The following GRM5 variants were observed in gnomAD, a reference collection of about 807,000 sequenced individuals.
GRM5 encodes the protein glutamate metabotropic receptor 5.
Under a neutral mutation model 83.1 loss-of-function variants are expected in GRM5, and 19 were observed. The observed-to-expected ratio is 0.23, with a 90% CI of 0.16 to 0.34. The LOEUF is 0.34. GRM5 is among the 10% of genes least tolerant of loss of function. GRM5 has a pLI of 1.00. For missense variants in GRM5, 1,160 were observed against 1,588.3 expected (o/e 0.73, Z 4.58); for synonymous variants, 675 against 633.6 (o/e 1.07, Z -0.98).
chr11:88,987,099 G>A lies in GRM5; in HGVS notation c.661+60113C>T, dbSNP rs184435384. ...TTTCTGCATTTCCATCTGAGGTACCGGGTTCATCTCACTAGGGAGTGCCAG... is the reference window on the plus strand; with the variant it reads ...TTTCTGCATTTCCATCTGAGGTACCAGGTTCATCTCACTAGGGAGTGCCAG... On this transcript the variant is annotated intron_variant, in intron 2 of 9. Coordinates refer to ENST00000305447, the MANE Select transcript of GRM5 (RefSeq NM_001143831.3). Among the ~76,000 whole-genome samples the A allele has an allele frequency of 3.1e-3, 475 of 152,196 alleles. 11 individuals carry two copies. Among genetic ancestry groups the A allele is most frequent in the Admixed American group, 0.024 (369 of 15,284 alleles).
At chr11:88,552,194 T>A (rs558116360) in intron 8 of GRM5, among the ~76,000 whole-genome samples, 49 of 152,170 alleles carry the variant, frequency 3.2e-4, no homozygotes, top group Admixed American at 1.3e-4. Context: ...CTAGCTATTT[T>A]GTTTAATTTT....
At chr11:88,861,408 C>A (rs1944559809) in intron 2 of GRM5, among the ~76,000 whole-genome samples, 1 of 152,064 alleles carries the variant, frequency 6.6e-6, no homozygotes. Context: ...AATTCCTACC[C>A]ATCCTTCAAG....
chr11:88,697,647 A>G (rs1161476308), intron 3 of GRM5, among the ~76,000 whole-genome samples: 2 of 152,220 alleles, frequency 1.3e-5, no homozygotes, highest in Non-Finnish European at 2.9e-5. Flanking sequence ...AAGCAGACCC[A>G]CAAAATACAT....
intron 2 of GRM5, among the ~76,000 whole-genome samples, chr11:88,933,810 A>G (rs1400736026): frequency 2.6e-5 from 4 of 151,860 alleles, no homozygotes; most frequent in Non-Finnish European, 4.4e-5. Context: ...GGGTAAAAAT[A>G]AAGTATCTTT....
intron 4 of GRM5, among the ~76,000 whole-genome samples, chr11:88,619,408 A>G (rs564935200): frequency 1.3e-5 from 2 of 152,300 alleles, no homozygotes; most frequent in East Asian, 3.9e-4. Context: ...AATTCAGAAG[A>G]TGTGACAACA....
intron 3 of GRM5, among the ~76,000 whole-genome samples, chr11:88,790,149 C>A (rs1427518997): frequency 6.6e-6 from 1 of 152,188 alleles, no homozygotes; most frequent in Non-Finnish European, 1.5e-5. Context: ...CAAGCATGAA[C>A]CACTGCACCT....
intron 4 of GRM5, among the ~76,000 whole-genome samples, chr11:88,622,683 C>T (rs1938671762): frequency 1.3e-5 from 2 of 151,932 alleles, no homozygotes; most frequent in Non-Finnish European, 2.9e-5. Context: ...ATTTATACAA[C>T]GAGTATGTAT....
intron 3 of GRM5, among the ~76,000 whole-genome samples, chr11:88,705,955 C>G (rs557094094): frequency 6.6e-6 from 1 of 151,996 alleles, no homozygotes; most frequent in Non-Finnish European, 1.5e-5. Context: ...TATTAATTTA[C>G]TGAAGCCTCA....
chr11:88,758,183 T>C (rs1385137835), intron 3 of GRM5, among the ~76,000 whole-genome samples: 2 of 152,214 alleles, frequency 1.3e-5, no homozygotes, highest in East Asian at 3.9e-4. Flanking sequence ...AGTGCCTTCT[T>C]TCCTGCAAAT....
chr11:88,764,774 C>T (rs1942595903), intron 3 of GRM5, among the ~76,000 whole-genome samples: 1 of 151,018 alleles, frequency 6.6e-6, no homozygotes, highest in African/African-American at 2.4e-5. Flanking sequence ...AAATCAGCAA[C>T]CTAACTTTAA....
At chr11:88,560,805 A>G (rs1305040274) in intron 8 of GRM5, among the ~76,000 whole-genome samples, 3 of 152,238 alleles carry the variant, frequency 2.0e-5, no homozygotes, top group African/African-American at 7.2e-5. Context: ...TATGTACACA[A>G]AACAAACTCA....
chr11:88,995,389 C>CA (rs1276078964), intron 2 of GRM5, among the ~76,000 whole-genome samples: 3 of 151,284 alleles, frequency 2.0e-5, no homozygotes, highest in Non-Finnish European at 4.4e-5. Context: ...TACTAAAATA[C>CA]AAAAAATTAG....
chr11:88,870,917 T>C (rs1211179342), intron 2 of GRM5, among the ~76,000 whole-genome samples: 1 of 151,396 alleles, frequency 6.6e-6, no homozygotes, highest in Non-Finnish European at 1.5e-5. Flanking sequence ...ATAATAATAA[T>C]AATAGATTGA....
chr11:88,882,620 T>C (rs1944979318), intron 2 of GRM5, among the ~76,000 whole-genome samples: 1 of 151,716 alleles, frequency 6.6e-6, no homozygotes, highest in South Asian at 2.1e-4. Context: ...CCTTGTAAAA[T>C]TGTGTGGAGA....
intron 3 of GRM5, among the ~76,000 whole-genome samples, chr11:88,797,094 G>A (rs1943294244): frequency 6.6e-6 from 1 of 152,012 alleles, no homozygotes; most frequent in African/African-American, 2.4e-5. Flanking sequence ...CAAAATCTAG[G>A]TGTTCAACAT....
At chr11:88,987,421 C>T (rs1471096701) in intron 2 of GRM5, among the ~76,000 whole-genome samples, 92 of 148,278 alleles carry the variant, frequency 6.2e-4, no homozygotes, top group African/African-American at 9.2e-4. Flanking sequence ...AAGGCGGCAG[C>T]GAGGTTGGGG....
At chr11:88,681,313 C>A (rs532822151) in intron 3 of GRM5, among the ~76,000 whole-genome samples, 11 of 151,910 alleles carry the variant, frequency 7.2e-5, no homozygotes, top group Non-Finnish European at 1.3e-4. Context: ...TAATTCCTTG[C>A]CTTCTGAAAG....
intron 7 of GRM5, among the ~76,000 whole-genome samples, chr11:88,576,571 C>G (rs1943115101): frequency 6.6e-6 from 1 of 151,968 alleles, no homozygotes; most frequent in Non-Finnish European, 1.5e-5. Context: ...TTAATATGAG[C>G]CTTTTACTCT....
chr11:88,751,148 T>A (rs552733809), intron 3 of GRM5, among the ~76,000 whole-genome samples: 16 of 125,072 alleles, frequency 1.3e-4, no homozygotes, highest in African/African-American at 5.0e-4. Context: ...GCAAAACCCA[T>A]CAAGAAATGA....
Sources: allele counts gnomAD v4.1 joint callset (sites outside exome capture counted in the v4.1 genomes callset), GRCh38; gene constraint gnomAD v4.1.1; transcripts MANE v1.5; gene names NCBI Gene and HGNC (gene_info 2026-07-23, HGNC 2026-07-21).